The following SLIT1 variants were observed in gnomAD, a reference collection of about 807,000 sequenced individuals.
SLIT1 encodes slit guidance ligand 1.
In SLIT1, 66 loss-of-function variants were observed where a neutral mutation model predicts 186.1. The ratio of observed to expected loss-of-function variants is 0.35; its 90% CI spans 0.29 to 0.44. SLIT1 has a LOEUF of 0.44. Among genes scored for constraint, SLIT1 ranks in the 20% least tolerant of loss-of-function variants. The probability of loss-of-function intolerance (pLI) is 1.00; values close to 1 mark genes in which losing one functional copy is unlikely to be tolerated. For missense variants in SLIT1, 1,638 were observed against 2,037.4 expected (o/e 0.80, Z 3.77); for synonymous variants, 761 against 833.8 (o/e 0.91, Z 1.50).
intron 25 of SLIT1, among the ~76,000 whole-genome samples, chr10:97,024,987 A>C (rs925213712): frequency 6.6e-6 from 1 of 152,218 alleles, no homozygotes; most frequent in Non-Finnish European, 1.5e-5. Context: ...ATATGGGTGC[A>C]GGCCAGGAGC....
intron 16 of SLIT1, 65 bp from the exon 17 acceptor site, chr10:97,047,130 T>C: frequency 9.3e-7 from 1 of 1,069,816 alleles, no homozygotes; most frequent in Non-Finnish European, 1.4e-6. Flanking sequence ...CCTTCCAAAC[T>C]GAGAATATTT....
intron 4 of SLIT1, among the ~76,000 whole-genome samples, chr10:97,080,108 C>T (rs1849088705): frequency 6.6e-6 from 1 of 152,190 alleles, no homozygotes; most frequent in African/African-American, 2.4e-5. Flanking sequence ...CTGCAAAGCC[C>T]TTTGCATCTG....
intron 25 of SLIT1, among the ~76,000 whole-genome samples, chr10:97,029,018 C>T (rs963068129): frequency 6.6e-6 from 1 of 152,210 alleles, no homozygotes. Context: ...ATCTTCAGTG[C>T]GGTCCTCAAG....
rs1850379219 is a variant in SLIT1, at chr10:97,184,074, G to A, written c.197+1404C>T. Among the ~76,000 whole-genome samples the A allele has an allele frequency of 6.8e-6, 1 of 147,624 alleles. No homozygotes were observed. Among genetic ancestry groups the A allele is most frequent in the Non-Finnish European group, 1.5e-5 (1 of 67,212 alleles). On this transcript the variant is annotated intron_variant, in intron 1 of 36. Coordinates refer to ENST00000266058, the MANE Select transcript of SLIT1 (RefSeq NM_003061.3). The surrounding 1 kb of genome is among the most constrained non-coding windows in gnomAD (Gnocchi z 4.4). ...CACACACACACTTCCCATCTAGATT[G>A]CATCTAGATTGCAAATTCTCTAAAA...
rs1848751698 is a variant in SLIT1 at position 97,048,134 on chromosome 10, G to C, written c.1466-138C>G. The C allele has an allele frequency of 5.5e-6, 5 of 914,920 alleles. No individual in the cohort carries two copies. The Admixed American group carries it at 9.0e-5, about 16-fold the overall frequency. The allele number at this position is 914,920 out of a possible 1,614,324, so 56.7% of individuals were successfully genotyped here. On this transcript the variant is annotated intron_variant, in intron 14 of 36. Coordinates refer to ENST00000266058, the MANE Select transcript of SLIT1 (RefSeq NM_003061.3). ...CCCATCTGCCCAGTCCCTGTGTGCA[G>C]AAGGGCGAGCTACAGAGCACGCATG...
chr10:97,061,138 GATA>G (rs1483719062), intron 8 of SLIT1, among the ~76,000 whole-genome samples: 1 of 152,228 alleles, frequency 6.6e-6, no homozygotes, highest in Non-Finnish European at 1.5e-5. Flanking sequence ...CCATGAGGGT[GATA>G]ATGTTTCCTA....
intron 22 of SLIT1, among the ~76,000 whole-genome samples, chr10:97,035,287 GGTGCCCTCGGGGACGCCCCTGTGCTGACA>G (rs1421171130): frequency 6.6e-6 from 1 of 152,092 alleles, no homozygotes. Flanking sequence ...GTCCAATCTG[GGTGCCCTCGGGGACGCCCCTGTGCTGACA>G]GTGCCCCCCT....
At position 97,145,985 on chromosome 10, in the gene SLIT1, A is replaced by T. The variant is rs924444489; in HGVS notation, c.413+11833T>A. Reference sequence around the variant, plus strand: ...CTTTTCCCACCCCACCCCAAACCCAACATTTGAAAGATCTGAGCTATTATA... The same window carrying T: ...CTTTTCCCACCCCACCCCAAACCCATCATTTGAAAGATCTGAGCTATTATA... On this transcript the variant is annotated intron_variant, in intron 4 of 36. Transcript: ENST00000266058. 2.6e-5 allele frequency among the ~76,000 whole-genome samples: 4 copies of T among 152,342 alleles called. No individual in the cohort carries two copies. In the East Asian group the frequency reaches 7.7e-4, roughly 29 times the overall value.
In SLIT1 at chr10:97,040,081, G is replaced by A. The variant is rs1399031828; in HGVS notation, c.2204C>T (p.Pro735Leu). 1 of 1,600,302 alleles carries A rather than the reference G, an allele frequency of 6.2e-7. No homozygotes were observed. The highest frequency in any genetic ancestry group is 8.5e-7 in the Non-Finnish European group (1 of 1,173,576). The change falls in exon 21 of 37, where the codon CCA (proline) becomes CTA (leucine). Residue 735 changes from proline (P) to leucine (L), a missense_variant. Pro to Leu is a moderately conservative substitution (Grantham distance 98). Around this residue, in one of 3 missense-constraint regions of SLIT1, gnomAD observed 1,245 missense variants for 1,535.3 expected, o/e 0.81. Transcript: ENST00000266058. ...GGTGTCCAGGCAGGCGCACTCCTGT[G>A]GGCACTGTGGGCGGGGCAGGCAGCC... is the stretch of plus-strand genomic sequence containing the variant. Reference protein sequence around the residue: ...EGGCLPRPQCPQECACLDTVV... With the variant: ...EGGCLPRPQCLQECACLDTVV...
chr10:97,019,617 AG>A (rs1188139244), intron 26 of SLIT1, among the ~76,000 whole-genome samples: 1 of 152,198 alleles, frequency 6.6e-6, no homozygotes, highest in African/African-American at 2.4e-5. Flanking sequence ...ACCAGGGAGC[AG>A]GGGTTGTTAC....
In SLIT1 at chr10:97,047,983, G is replaced by A; in HGVS notation, c.1479C>T (p.Tyr493=). 1 of 1,614,168 alleles carries A rather than the reference G, an allele frequency of 6.2e-7. No individual in the cohort carries two copies. Among genetic ancestry groups the A allele is most frequent in the South Asian group, 1.1e-5 (1 of 91,090 alleles). The change falls in exon 15 of 37, where the codon TAC becomes TAT. Residue 493 remains tyrosine, a synonymous_variant. Transcript: ENST00000266058. ...CCCCCACTCTCCTACCTGGAATGAA[G>A]TACTGCTCTTTGGCTGGGAAGAGAA... ...KKFRCSAKEQ[Y]FIPGTEDYQL...
At chr10:97,033,053 T>TC (rs1487373585) in intron 23 of SLIT1, among the ~76,000 whole-genome samples, 2 of 149,184 alleles carry the variant, frequency 1.3e-5, no homozygotes, top group African/African-American at 4.9e-5. Context: ...TTTCTTTCTT[T>TC]TTTTTTTTTT....
intron 4 of SLIT1, among the ~76,000 whole-genome samples, chr10:97,106,044 C>T (rs1460973819): frequency 6.6e-6 from 1 of 152,240 alleles, no homozygotes; most frequent in Non-Finnish European, 1.5e-5. Context: ...AGCTTCTGCT[C>T]ACCCTACTTC....
intron 4 of SLIT1, among the ~76,000 whole-genome samples, chr10:97,149,177 A>G (rs544070779): frequency 1.3e-5 from 2 of 152,322 alleles, no homozygotes; most frequent in South Asian, 4.1e-4. Context: ...TGTGTCTAGG[A>G]CATTCATCCA....
chr10:97,125,847 C>CA (rs375216155), intron 4 of SLIT1, among the ~76,000 whole-genome samples: 195 of 148,302 alleles, frequency 1.3e-3, no homozygotes, highest in Admixed American at 4.8e-3. Flanking sequence ...AAAACAAAAA[C>CA]AAAAAAAAAC....
At chr10:97,130,860 C>T (rs76338631) in intron 4 of SLIT1, among the ~76,000 whole-genome samples, 2,522 of 152,328 alleles carry the variant, frequency 0.017, 62 homozygotes, top group South Asian at 0.11. Context: ...GCCATTCGGT[C>T]CATGGTCTGA....
intron 22 of SLIT1, among the ~76,000 whole-genome samples, chr10:97,036,030 C>T (rs1226907571): frequency 6.6e-6 from 1 of 152,220 alleles, no homozygotes; most frequent in African/African-American, 2.4e-5. Flanking sequence ...CTCCCCTCCC[C>T]TGCATCCTCC....
At chr10:97,016,817 G>T (rs987763664) in intron 28 of SLIT1, among the ~76,000 whole-genome samples, 3 of 152,180 alleles carry the variant, frequency 2.0e-5, no homozygotes, top group Admixed American at 6.5e-5. Flanking sequence ...TGTATCTGGG[G>T]AGTCTGTGAG....
chr10:97,158,554 C>T (rs1004443966), intron 3 of SLIT1, among the ~76,000 whole-genome samples: 20 of 150,728 alleles, frequency 1.3e-4, no homozygotes, highest in Admixed American at 9.3e-4. Flanking sequence ...CCCAGCTACT[C>T]GGGAGGCTGA....
Sources: allele counts gnomAD v4.1 joint callset (sites outside exome capture counted in the v4.1 genomes callset), GRCh38; gene constraint gnomAD v4.1.1; regional missense constraint gnomAD v4.1.1; non-coding constraint Gnocchi (gnomAD v3.1); transcripts MANE v1.5; gene names NCBI Gene and HGNC (gene_info 2026-07-23, HGNC 2026-07-21).